The following LINGO1 variants were observed in gnomAD, a reference collection of about 807,000 sequenced individuals.
LINGO1 encodes the protein leucine-rich repeat and immunoglobulin-like domain-containing nogo receptor-interacting protein 1.
Under a neutral mutation model 37.3 loss-of-function variants are expected in LINGO1, and 11 were observed. That is an observed-to-expected ratio of 0.29 (90% CI 0.19 to 0.49). LINGO1 has a LOEUF of 0.49. LINGO1 is among the 20% of genes least tolerant of loss of function. The pLI is 0.99. For missense variants in LINGO1, 585 were observed against 878.2 expected, an observed-to-expected ratio of 0.67 and a Z score of 4.22; for synonymous variants, 387 against 403.0, an observed-to-expected ratio of 0.96 and a Z score of 0.48.
At chr15:77,645,817 G>T (rs2074613343) in intron 3 of LINGO1, among the ~76,000 whole-genome samples, 1 of 152,252 alleles carries the variant, frequency 6.6e-6, no homozygotes, top group Non-Finnish European at 1.5e-5. Flanking sequence ...GGCCTCGCTG[G>T]TAATTCTCCC....
chr15:77,776,351 C>G (rs949185006), intron 1 of LINGO1, among the ~76,000 whole-genome samples: 3 of 151,392 alleles, frequency 2.0e-5, no homozygotes, highest in Non-Finnish European at 4.4e-5. Flanking sequence ...TCCAGCACCC[C>G]CTCCACCATG....
intron 2 of LINGO1, among the ~76,000 whole-genome samples, chr15:77,723,741 C>G (rs1229853615): frequency 6.6e-6 from 1 of 152,134 alleles, no homozygotes; most frequent in Non-Finnish European, 1.5e-5. Flanking sequence ...AGGCCCTCCC[C>G]AGGCCTCAGT....
At chr15:77,798,598 C>T (rs557439706) in intron 1 of LINGO1, among the ~76,000 whole-genome samples, 63 of 152,338 alleles carry the variant, frequency 4.1e-4, no homozygotes, top group African/African-American at 1.4e-3. Context: ...GGGGAGGAGA[C>T]GCAGTGGGAG....
intron 2 of LINGO1, among the ~76,000 whole-genome samples, chr15:77,684,777 C>T (rs1424061464): frequency 6.6e-6 from 1 of 152,176 alleles, no homozygotes; most frequent in African/African-American, 2.4e-5. Context: ...CCCCAGTGAC[C>T]TCCCATGCAC....
intron 2 of LINGO1, among the ~76,000 whole-genome samples, chr15:77,690,258 G>A (rs1435461966): frequency 6.6e-6 from 1 of 152,128 alleles, no homozygotes; most frequent in African/African-American, 2.4e-5. Flanking sequence ...AAAGGTTCAG[G>A]ATGAGCTGAA....
chr15:77,642,626 TG>T (rs1417776734), intron 3 of LINGO1, among the ~76,000 whole-genome samples: 4 of 152,088 alleles, frequency 2.6e-5, no homozygotes, highest in Non-Finnish European at 4.4e-5. Context: ...CTCCCCAACC[TG>T]GCCCTAGGAA....
At chr15:77,741,668 C>T (rs536829685) in intron 1 of LINGO1, among the ~76,000 whole-genome samples, 4 of 152,318 alleles carry the variant, frequency 2.6e-5, no homozygotes, top group South Asian at 2.1e-4. Flanking sequence ...CTTGTGGTTC[C>T]GCAGACAAGT....
chr15:77,735,267 G>A lies in LINGO1; in HGVS notation c.-256-214C>T, dbSNP rs77736231. On this transcript the variant is annotated intron_variant, in intron 1 of 3. Coordinates refer to the LINGO1 transcript ENST00000561686. The stretch of plus-strand genomic sequence containing the variant: ...ATTCCAGAGTCAAGATTGCACTTTC[G>A]GTAAAGCAAGGGCCTGGGCTACAGC... 4.6e-3 allele frequency among the ~76,000 whole-genome samples: 694 copies of A among 152,300 alleles called. 10 individuals are homozygous for A. Among genetic ancestry groups the A allele is most frequent in the African/African-American group, 0.016 (665 of 41,550 alleles).
At chr15:77,622,104 G>A (rs1412749012) in intron 1 of LINGO1, among the ~76,000 whole-genome samples, 5 of 152,292 alleles carry the variant, frequency 3.3e-5, no homozygotes, top group African/African-American at 9.6e-5. Flanking sequence ...GAGAGGGAGC[G>A]GGGAGGATGG....
intron 2 of LINGO1, among the ~76,000 whole-genome samples, chr15:77,710,450 A>T (rs529800424): frequency 1.3e-5 from 2 of 152,348 alleles, no homozygotes; most frequent in Admixed American, 6.5e-5. Flanking sequence ...CGCTTTGAAC[A>T]TAGAGACATC....
intron 1 of LINGO1, among the ~76,000 whole-genome samples, chr15:77,621,844 G>C (rs945479003): frequency 1.3e-5 from 2 of 152,236 alleles, no homozygotes; most frequent in Admixed American, 1.3e-4. Flanking sequence ...AGTTATTCCA[G>C]GTTTATGGTA....
At chr15:77,820,390 T>A (rs2077087774), upstream of LINGO1, 1 of 152,532 alleles carries the variant, frequency 6.6e-6, no homozygotes, top group Admixed American at 6.5e-5. Flanking sequence ...CCCTCGGGGC[T>A]GGAGGTGAGT....
Position 77,615,804 on chromosome 15 carries a change from G to A in LINGO1, c.103C>T (p.Leu35=), listed in dbSNP as rs1189202895. 1 of 1,558,256 alleles carries A rather than the reference G, an allele frequency of 6.4e-7. No homozygotes were observed. Among genetic ancestry groups the A allele is most frequent in the South Asian group, 1.2e-5 (1 of 84,352 alleles). ...GGGCAGCCCGTGGCCGAGCCTGACA[G>A]CACTGAGCCCAGCACCAGCAGGAGG... is the stretch of plus-strand genomic sequence containing the variant. The part of the protein sequence containing the change: ...PILLLVLGSV[L]SGSATGCPPR... The change falls in exon 2 of 2, where the codon CTG becomes TTG. Residue 35 remains leucine, a synonymous_variant. Transcript: ENST00000355300.
At chr15:77,761,489 G>A (rs963835882) in intron 1 of LINGO1, among the ~76,000 whole-genome samples, 2 of 152,166 alleles carry the variant, frequency 1.3e-5, no homozygotes, top group Non-Finnish European at 2.9e-5. Flanking sequence ...CAGTTTAAAG[G>A]GCTGAGTTGT....
chr15:77,726,321 G>T lies in LINGO1; in HGVS notation c.-195+8671C>A, dbSNP rs2076101841. ...GAAGAAGCCTGCATCCCTGCAGTGG[G>T]CTGCCTCCCCCACAGGCACCCCATC... On this transcript the variant is annotated intron_variant, in intron 2 of 3. Transcript: ENST00000561686. Among the ~76,000 whole-genome samples, 3 of 152,196 alleles carry T rather than the reference G, an allele frequency of 2.0e-5. No individual in the cohort carries two copies. In the South Asian group the frequency reaches 6.2e-4, roughly 31 times the overall value.
chr15:77,756,485 G>GAC (rs35031617), intron 1 of LINGO1, among the ~76,000 whole-genome samples: 6,280 of 140,728 alleles, frequency 0.045, 190 homozygotes, highest in Middle Eastern at 0.085. Flanking sequence ...CAGACAGACA[G>GAC]ACACACACAC....
At chr15:77,803,515 T>C (rs2076935840) in intron 1 of LINGO1, among the ~76,000 whole-genome samples, 1 of 152,122 alleles carries the variant, frequency 6.6e-6, no homozygotes, top group Non-Finnish European at 1.5e-5. Flanking sequence ...GAATGGGTTC[T>C]CACAGTGATA....
At chr15:77,694,926 G>A (rs934957837) in intron 1 of LINGO1, among the ~76,000 whole-genome samples, 2 of 152,164 alleles carry the variant, frequency 1.3e-5, no homozygotes, top group Non-Finnish European at 2.9e-5. Context: ...CTCCCCGGGG[G>A]GCCTGGGATT....
chr15:77,619,287 T>A (rs1315727003), intron 1 of LINGO1, among the ~76,000 whole-genome samples: 1 of 152,048 alleles, frequency 6.6e-6, no homozygotes, highest in Non-Finnish European at 1.5e-5. Context: ...AACATGCGCA[T>A]GAGTGAGTTT....
Sources: gnomAD v4.1 joint callset for allele counts (sites outside exome capture counted in the v4.1 genomes callset) on GRCh38, gnomAD v4.1.1 for gene constraint, MANE v1.5 for transcripts, NCBI Gene and HGNC (gene_info 2026-07-23, HGNC 2026-07-21) for gene names.